The following LRP1B variants were observed in gnomAD, a reference collection of about 807,000 sequenced individuals.
LRP1B encodes low-density lipoprotein receptor-related protein 1B.
A neutral mutation model predicts 556.6 loss-of-function variants in LRP1B; 217 were observed. The observed-to-expected ratio is 0.39, with a 90% CI of 0.35 to 0.44. LRP1B has a LOEUF of 0.44. Ranked by LOEUF, LRP1B falls within the 20% of genes least tolerant of loss-of-function variation. LRP1B has a pLI of 1.00. For missense variants in LRP1B, 5,053 were observed against 5,620.8 expected (o/e 0.90, Z 3.23); for synonymous variants, 2,047 against 1,865.8 (o/e 1.10, Z -2.50).
intron 1 of LRP1B, among the ~76,000 whole-genome samples, chr2:141,931,928 G>A (rs1350947751): frequency 2.6e-5 from 4 of 151,968 alleles, no homozygotes; most frequent in Non-Finnish European, 5.9e-5. Flanking sequence ...GTAATCTATA[G>A]CATTTGCTTT....
intron 86 of LRP1B, chr2:140,269,417 G>A (rs12477489): frequency 0.3 from 141,102 of 462,986 alleles, 22,407 homozygotes; most frequent in Admixed American, 0.41. Context: ...TAAATAAAGC[G>A]TCTGACTTGT....
At chr2:140,353,899 G>C (rs924888703) in intron 75 of LRP1B, among the ~76,000 whole-genome samples, 1 of 151,998 alleles carries the variant, frequency 6.6e-6, no homozygotes, top group Non-Finnish European at 1.5e-5. Context: ...CTGTATTGAG[G>C]TTATGTGATG....
At chr2:141,312,444 G>A (rs1191504331) in intron 3 of LRP1B, among the ~76,000 whole-genome samples, 1 of 152,134 alleles carries the variant, frequency 6.6e-6, no homozygotes, top group African/African-American at 2.4e-5. Context: ...TACTGTTTAT[G>A]TGATTGGTAT....
chr2:141,757,404 C>T (rs1694361904), intron 2 of LRP1B, among the ~76,000 whole-genome samples: 1 of 152,110 alleles, frequency 6.6e-6, no homozygotes, highest in South Asian at 2.1e-4. Context: ...GAATCAGAAT[C>T]TGCATTTTAT....
At chr2:141,792,329 C>T (rs1160631181) in intron 2 of LRP1B, among the ~76,000 whole-genome samples, 1 of 151,868 alleles carries the variant, frequency 6.6e-6, no homozygotes, top group East Asian at 1.9e-4. Context: ...AGAATCTTGT[C>T]TATTGAAATA....
At chr2:141,743,197 G>A (rs1693776917) in intron 2 of LRP1B, among the ~76,000 whole-genome samples, 2 of 151,866 alleles carry the variant, frequency 1.3e-5, no homozygotes, top group African/African-American at 4.8e-5. Flanking sequence ...ATAATCATAT[G>A]GTGTTTGTCC....
chr2:141,434,771 A>C (rs557927183), intron 3 of LRP1B, among the ~76,000 whole-genome samples: 4 of 152,010 alleles, frequency 2.6e-5, no homozygotes, highest in Non-Finnish European at 5.9e-5. Flanking sequence ...TTTGCTTGTT[A>C]ATCAGTTTGT....
intron 3 of LRP1B, among the ~76,000 whole-genome samples, chr2:141,390,186 GA>G (rs1373429562): frequency 1.3e-5 from 2 of 151,812 alleles, no homozygotes; most frequent in Non-Finnish European, 2.9e-5. Flanking sequence ...ATGAGCACAG[GA>G]AAAGATGCTC....
chr2:141,984,833 T>C (rs1007074033), intron 1 of LRP1B, among the ~76,000 whole-genome samples: 30 of 152,266 alleles, frequency 2.0e-4, no homozygotes, highest in African/African-American at 7.0e-4. Context: ...AATGTAGCCA[T>C]AAAATCCTCC....
intron 1 of LRP1B, among the ~76,000 whole-genome samples, chr2:142,102,741 A>G (rs1183298476): frequency 6.6e-6 from 1 of 151,730 alleles, no homozygotes; most frequent in Non-Finnish European, 1.5e-5. Flanking sequence ...TGTCTCCCTA[A>G]ATTTATTCTA....
At chr2:141,181,127 A>G (rs1057505519) in intron 7 of LRP1B, among the ~76,000 whole-genome samples, 4 of 151,952 alleles carry the variant, frequency 2.6e-5, no homozygotes, top group African/African-American at 9.7e-5. Context: ...GTTCTGACCA[A>G]GAAGATATGA....
intron 1 of LRP1B, among the ~76,000 whole-genome samples, chr2:142,104,021 C>A (rs917634357): frequency 1.3e-5 from 2 of 152,136 alleles, no homozygotes; most frequent in Admixed American, 6.6e-5. Flanking sequence ...CCTTCCAAAT[C>A]TTTAATCAAG....
intron 7 of LRP1B, among the ~76,000 whole-genome samples, chr2:141,150,268 A>ATTG (rs1701888105): frequency 6.6e-6 from 1 of 152,214 alleles, no homozygotes; most frequent in Admixed American, 6.5e-5. Context: ...ATCAAAGTTT[A>ATTG]CTAGTAAGTT....
chr2:141,958,962 A>G (rs1347798489), intron 1 of LRP1B, among the ~76,000 whole-genome samples: 2 of 151,990 alleles, frequency 1.3e-5, no homozygotes, highest in African/African-American at 4.8e-5. Flanking sequence ...TGTGCTTCCA[A>G]CAAGCCATTC....
chr2:141,994,735 G>A (rs545090154), intron 1 of LRP1B, among the ~76,000 whole-genome samples: 38 of 152,124 alleles, frequency 2.5e-4, no homozygotes, highest in Admixed American at 2.2e-3. Context: ...ACAATTAATT[G>A]CCCATATATA....
chr2:141,485,763 G>C (rs908321415), intron 2 of LRP1B, among the ~76,000 whole-genome samples: 1 of 152,104 alleles, frequency 6.6e-6, no homozygotes, highest in Non-Finnish European at 1.5e-5. Flanking sequence ...GAGAAGCATG[G>C]GATAATGGGG....
chr2:141,253,673 T>C (rs1684352768), intron 4 of LRP1B, among the ~76,000 whole-genome samples: 1 of 152,064 alleles, frequency 6.6e-6, no homozygotes, highest in Non-Finnish European at 1.5e-5. Context: ...AAAGTGATAA[T>C]ATTGGAGCAA....
intron 37 of LRP1B, among the ~76,000 whole-genome samples, chr2:140,708,987 T>C (rs1258178402): frequency 6.6e-6 from 1 of 152,076 alleles, no homozygotes; most frequent in Admixed American, 6.6e-5. Flanking sequence ...GGTATTAAAC[T>C]ACACTACACT....
At chr2:141,613,220 C>G (rs10496888) in intron 2 of LRP1B, among the ~76,000 whole-genome samples, 8,034 of 152,074 alleles carry the variant, frequency 0.053, 309 homozygotes, top group African/African-American at 0.1. Flanking sequence ...GCTTATTCTC[C>G]TTTCTCTCTG....
Sources: allele counts gnomAD v4.1 joint callset (sites outside exome capture counted in the v4.1 genomes callset), GRCh38; gene constraint gnomAD v4.1.1; transcripts MANE v1.5; gene names NCBI Gene and HGNC (gene_info 2026-07-23, HGNC 2026-07-21).